SMARCC1: variants seen among roughly 807,000 people sequenced by gnomAD.
SMARCC1 encodes the protein SWI/SNF related BAF chromatin remodeling complex subunit C1.
In SMARCC1, 43 loss-of-function variants were observed where a neutral mutation model predicts 147.4. The observed-to-expected ratio is 0.29, with a 90% CI of 0.23 to 0.38. The LOEUF (loss-of-function observed/expected upper bound fraction) is 0.38, where lower values mean the gene tolerates loss of function less well. Among genes scored for constraint, SMARCC1 ranks in the 10% least tolerant of loss-of-function variants. The pLI is 1.00. For missense variants in SMARCC1, 1,119 were observed against 1,381.1 expected, an observed-to-expected ratio of 0.81 and a Z score of 3.01; for synonymous variants, 495 against 484.4, an observed-to-expected ratio of 1.02 and a Z score of -0.29.
chr3:47,603,199 A>C (rs1466388795), intron 26 of SMARCC1: 1 of 152,206 alleles, frequency 6.6e-6, no homozygotes, highest in Non-Finnish European at 1.5e-5. Context: ...AGGCGGGTGG[A>C]TCACCTGAGG....
intron 5 of SMARCC1, among the ~76,000 whole-genome samples, chr3:47,734,908 C>G (rs562826960): frequency 6.6e-6 from 1 of 152,302 alleles, no homozygotes; most frequent in African/African-American, 2.4e-5. Flanking sequence ...CAGTGGCATG[C>G]CACCATGCCC....
At chr3:47,664,046 G>A (rs1034332111) in intron 19 of SMARCC1, 9 of 581,618 alleles carry the variant, frequency 1.5e-5, no homozygotes, top group Admixed American at 1.4e-4. Flanking sequence ...CCCATGCGTC[G>A]TTGGGGGAGG....
intron 3 of SMARCC1, among the ~76,000 whole-genome samples, chr3:47,743,530 G>A (rs1410338985): frequency 6.6e-6 from 1 of 151,648 alleles, no homozygotes; most frequent in East Asian, 1.9e-4. Context: ...ATATTTCACT[G>A]TGGCCGGGCA....
intron 9 of SMARCC1, among the ~76,000 whole-genome samples, chr3:47,708,408 T>C (rs1168174358): frequency 6.6e-6 from 1 of 152,120 alleles, no homozygotes; most frequent in Non-Finnish European, 1.5e-5. Flanking sequence ...CCCAAAGTAC[T>C]GGAATTACAG....
chr3:47,632,664 G>T (rs1001861985), intron 24 of SMARCC1, among the ~76,000 whole-genome samples: 1 of 151,772 alleles, frequency 6.6e-6, no homozygotes, highest in Admixed American at 6.6e-5. Context: ...AATTTAAAGA[G>T]GAGAAATAAT....
intron 2 of SMARCC1, among the ~76,000 whole-genome samples, chr3:47,761,699 G>A (rs139904952): frequency 0.013 from 2,054 of 152,216 alleles, 33 homozygotes; most frequent in Non-Finnish European, 0.018. Context: ...ATTCCACAAA[G>A]TCCTAGAATC....
Position 47,710,711 on chromosome 3 carries a change from C to T in SMARCC1, c.890G>A (p.Arg297His), listed in dbSNP as rs762057465. 10 of 1,613,702 alleles carry T rather than the reference C, an allele frequency of 6.2e-6. No homozygotes were observed. The highest frequency in any genetic ancestry group is 1.1e-5 in the South Asian group (1 of 90,988). ...VDENRKPVSF[R>H]QRISTKNEEP... ...TTCATTCTTGGTTGAAATCCGCTGA[C>T]GAAAACTCACAGGCTTCCTATTTTC... is the stretch of plus-strand genomic sequence containing the variant. Residue 297 changes from arginine (R) to histidine (H), a missense_variant, in exon 9 of 28, where the codon CGT (arginine) becomes CAT (histidine). Coordinates refer to ENST00000254480, the MANE Select transcript of SMARCC1 (RefSeq NM_003074.4).
chr3:47,639,012 G>A (rs1042018580), intron 21 of SMARCC1, among the ~76,000 whole-genome samples: 1 of 152,192 alleles, frequency 6.6e-6, no homozygotes, highest in South Asian at 2.1e-4. Context: ...GTGGTTAACA[G>A]GGGGAAGGGG....
intron 1 of SMARCC1, among the ~76,000 whole-genome samples, chr3:47,773,523 T>A (rs150840196): frequency 6.7e-6 from 1 of 148,228 alleles, no homozygotes; most frequent in African/African-American, 2.5e-5. Flanking sequence ...CAAGGAAAAA[T>A]AATGGGTAAC....
At chr3:47,646,296 T>G (rs933054048) in intron 21 of SMARCC1, among the ~76,000 whole-genome samples, 1 of 152,260 alleles carries the variant, frequency 6.6e-6, no homozygotes, top group Non-Finnish European at 1.5e-5. Flanking sequence ...CTCTTTGGTC[T>G]AAATTCTGGT....
At chr3:47,719,004 C>T (rs904680144) in intron 7 of SMARCC1, among the ~76,000 whole-genome samples, 1 of 152,182 alleles carries the variant, frequency 6.6e-6, no homozygotes, top group Non-Finnish European at 1.5e-5. Context: ...GCTCCGCCCC[C>T]GGGGTTCATG....
chr3:47,667,340 G>A (rs1257589506), intron 19 of SMARCC1, among the ~76,000 whole-genome samples: 11 of 151,732 alleles, frequency 7.2e-5, no homozygotes, highest in Admixed American at 7.2e-4. Context: ...AAAAGAGAGA[G>A]AGAGAAACTC....
chr3:47,744,483 A>C (rs2034544732), intron 3 of SMARCC1, among the ~76,000 whole-genome samples: 1 of 152,178 alleles, frequency 6.6e-6, no homozygotes, highest in Non-Finnish European at 1.5e-5. Context: ...TAAATAATTT[A>C]TTTAATTACA....
intron 21 of SMARCC1, among the ~76,000 whole-genome samples, chr3:47,640,454 TG>T (rs1390190061): frequency 6.6e-6 from 1 of 152,104 alleles, no homozygotes; most frequent in Non-Finnish European, 1.5e-5. Flanking sequence ...TAATATATTC[TG>T]AAAAACTTTA....
rs2034465088 is a variant in SMARCC1, at chr3:47,738,021, C to T, written c.483+8G>A. 1 of 1,573,630 alleles carries T rather than the reference C, an allele frequency of 6.4e-7. No homozygotes were observed. The highest frequency in any genetic ancestry group is 8.6e-7 in the Non-Finnish European group (1 of 1,159,946). ...AAACTTTTTAAATAACCTAAGTTTC[C>T]AAGTTACCTGCACCAATGTTTTTTC... On this transcript the variant is annotated splice_region_variant and intron_variant, in intron 4 of 27. Coordinates refer to ENST00000254480, the MANE Select transcript of SMARCC1 (RefSeq NM_003074.4).
intron 25 of SMARCC1, among the ~76,000 whole-genome samples, chr3:47,616,129 C>T (rs2032640386): frequency 6.6e-6 from 1 of 152,176 alleles, no homozygotes. Flanking sequence ...CAAATGTAAA[C>T]GGCTTATGTG....
intron 14 of SMARCC1, among the ~76,000 whole-genome samples, chr3:47,680,747 C>T (rs935422108): frequency 3.3e-5 from 5 of 151,734 alleles, no homozygotes; most frequent in Non-Finnish European, 5.9e-5. Flanking sequence ...CGGGGTTTCA[C>T]TGTTTTAGCT....
At chr3:47,596,576 AAAAT>A (rs1189656123) in intron 26 of SMARCC1, among the ~76,000 whole-genome samples, 11 of 151,516 alleles carry the variant, frequency 7.3e-5, no homozygotes, top group African/African-American at 1.9e-4. Flanking sequence ...CAAAAAAAAA[AAAAT>A]AAATAAATAA....
chr3:47,663,944 C>A, intron 19 of SMARCC1: 1 of 1,356,506 alleles, frequency 7.4e-7, no homozygotes, highest in Non-Finnish European at 1.0e-6. Context: ...AGCCCAGGGT[C>A]TGGCTTTGAA....
Sources: gnomAD v4.1 joint callset for allele counts (sites outside exome capture counted in the v4.1 genomes callset) on GRCh38, gnomAD v4.1.1 for gene constraint, MANE v1.5 for transcripts, NCBI Gene and HGNC (gene_info 2026-07-23, HGNC 2026-07-21) for gene names.